Variants in RAPGEF3 observed in about 807,000 individuals in gnomAD.
RAPGEF3 encodes Rap guanine nucleotide exchange factor 3.
RAPGEF3 carries 103 observed loss-of-function variants against 129.8 expected under a neutral mutation model. The ratio of observed to expected loss-of-function variants is 0.79; its 90% CI spans 0.68 to 0.93. The LOEUF (loss-of-function observed/expected upper bound fraction) is 0.93, where lower values mean the gene tolerates loss of function less well. Ranked by LOEUF, RAPGEF3 falls within the 40% of genes least tolerant of loss-of-function variation. The pLI is 0.00. For synonymous variants in RAPGEF3, 436 were observed against 482.6 expected, an observed-to-expected ratio of 0.90 and a Z score of 1.26; for missense variants, 1,117 against 1,207.4, an observed-to-expected ratio of 0.93 and a Z score of 1.11.
In RAPGEF3 at chr12:47,749,605, C is replaced by A; in HGVS notation, c.895-69G>T. 6.4e-7 allele frequency: 1 copy of A among 1,554,804 alleles called. No homozygotes were observed. Among genetic ancestry groups the A allele is most frequent in the Non-Finnish European group, 8.7e-7 (1 of 1,150,768 alleles). ...CGCCCCCAGCTCTTGCCAGGACAGA[C>A]CCACGGCAGGAGAACAACCCACACA... On this transcript the variant is annotated intron_variant, in intron 9 of 27. Coordinates refer to ENST00000449771, the MANE Select transcript of RAPGEF3 (RefSeq NM_001098531.4). This position sits in a 1 kb window ranked among gnomAD's most constrained non-coding sequence, Gnocchi z 4.5.
rs761870576 is a variant in RAPGEF3 at position 47,738,049 on chromosome 12, C to T, written c.2626G>A (p.Asp876Asn). Residue 876 changes from aspartate to asparagine, a missense_variant, in exon 27 of 28, where the codon GAC (aspartate) becomes AAC (asparagine). By Grantham distance (23) the Asp-to-Asn change is conservative. Coordinates refer to ENST00000449771, the MANE Select transcript of RAPGEF3 (RefSeq NM_001098531.4). ...LRSRVSHLHEDSQVARISTCS... is the reference protein window; with the variant it reads ...LRSRVSHLHENSQVARISTCS... ...GTGGAAATCCTCGCCACCTGGCTGT[C>T]CTCGTGGAGGTGGGAAACTCGGCTT... 6.9e-7 allele frequency: 1 copy of T among 1,447,078 alleles called. No homozygotes were observed. The highest frequency in any genetic ancestry group is 1.1e-5 in the South Asian group (1 of 89,384). The allele number at this position is 1,447,078 out of a possible 1,614,324, so 89.6% of individuals were successfully genotyped here. A position where few individuals can be genotyped will look rare whatever the true frequency, so the allele number is the denominator to read the frequency against.
Position 47,740,674 on chromosome 12 carries a change from C to A in RAPGEF3, c.2199G>T (p.Gln733His). 1.2e-6 allele frequency: 2 copies of A among 1,613,832 alleles called. No individual in the cohort carries two copies. Among genetic ancestry groups the A allele is most frequent in the Non-Finnish European group, 1.7e-6 (2 of 1,179,962 alleles). ...CLCPVPGPRA[Q>H]LLRKFIKLAA... is the part of the protein sequence containing the mutation. ...CCAGCTTAATGAACTTCCTGAGCAG[C>A]TGGGCCCGGGGGCCGGGCACGGGGC... Residue 733 changes from glutamine to histidine, a missense_variant, in exon 21 of 28, where the codon CAG becomes CAT. Physicochemically the swap from Gln to His is conservative, Grantham distance 24. Transcript: ENST00000449771.
In RAPGEF3 at chr12:47,758,768, G is replaced by A; in HGVS notation, c.-212C>T. 1 of 1,241,942 alleles carries A rather than the reference G, an allele frequency of 8.1e-7. No homozygotes were observed. Among genetic ancestry groups the A allele is most frequent in the Non-Finnish European group, 1.0e-6 (1 of 991,406 alleles). 76.9% of individuals were successfully genotyped at this position (1,241,942 alleles called of 1,614,324 possible). A position where few individuals can be genotyped will look rare whatever the true frequency, so the allele number is the denominator to read the frequency against. On this transcript the variant is annotated 5_prime_UTR_variant, in exon 1 of 28. Coordinates refer to ENST00000449771, the MANE Select transcript of RAPGEF3 (RefSeq NM_001098531.4). Reference sequence around the variant, plus strand: ...CTCCTCTTGGGTGAGTAGAGGGGTGGGGGCGTGGTGGGGGGACGCCACCCA... The same window carrying A: ...CTCCTCTTGGGTGAGTAGAGGGGTGAGGGCGTGGTGGGGGGACGCCACCCA...
chr12:47,758,220 G>C (rs1000532101), intron 1 of RAPGEF3, 142 bp from the exon 2 acceptor site: 13 of 1,437,640 alleles, frequency 9.0e-6, no homozygotes, highest in East Asian at 5.0e-5. Flanking sequence ...CCAGGAGCTG[G>C]GGGGAGGAAC....
rs1186680000 is a variant in RAPGEF3 at position 47,734,649 on chromosome 12, T to C, written c.*2918A>G. ...AACGTAACGTGAGACAGGGTGAAGA[T>C]GAAAGAAGATGAAAACACCATTCAA... On this transcript the variant is annotated 3_prime_UTR_variant, in exon 28 of 28. Coordinates refer to ENST00000449771, the MANE Select transcript of RAPGEF3 (RefSeq NM_001098531.4). The C allele has an allele frequency of 6.6e-6, 1 of 152,228 alleles. No individual in the cohort carries two copies. The highest frequency in any genetic ancestry group is 1.9e-4 in the East Asian group (1 of 5,202). The allele number at this position is 152,228 out of a possible 1,614,324, so 9.4% of individuals were successfully genotyped here.
At position 47,737,512 on chromosome 12, in the gene RAPGEF3, C is replaced by T; in HGVS notation, c.*55G>A. 1.3e-6 allele frequency: 2 copies of T among 1,525,362 alleles called. No homozygotes were observed. The highest frequency in any genetic ancestry group is 1.8e-6 in the Non-Finnish European group (2 of 1,110,856). The allele number at this position is 1,525,362 out of a possible 1,614,324, so 94.5% of individuals were successfully genotyped here. A position where few individuals can be genotyped will look rare whatever the true frequency, so the allele number is the denominator to read the frequency against. ...AGCCTGTGAGTATCTTGGCCCGGCA[C>T]ACCCTGGCTTTCCCGGCTGCAAGTG... is the stretch of plus-strand genomic sequence containing the variant. On this transcript the variant is annotated 3_prime_UTR_variant, in exon 28 of 28. Coordinates refer to ENST00000449771, the MANE Select transcript of RAPGEF3 (RefSeq NM_001098531.4).
intron 7 of RAPGEF3, 50 bp downstream of exon 7, chr12:47,750,291 G>A (rs748495054): frequency 6.5e-7 from 1 of 1,549,238 alleles, no homozygotes; most frequent in Non-Finnish European, 8.9e-7. Context: ...GGAAGTCACA[G>A]GAAGAGAAGA....
chr12:47,743,042 A>G (rs954200099), intron 18 of RAPGEF3, among the ~76,000 whole-genome samples: 4 of 152,254 alleles, frequency 2.6e-5, no homozygotes, highest in African/African-American at 9.6e-5. Flanking sequence ...TTGTCTGAAA[A>G]TAGGATAAAA....
chr12:47,737,951 A>G, intron 27 of RAPGEF3, 71 bp downstream of exon 27: 1 of 1,521,026 alleles, frequency 6.6e-7, no homozygotes, highest in African/African-American at 1.4e-5. Context: ...GCAAGTGCCT[A>G]GGATGTGCCA....
chr12:47,746,629 G>A (rs1941432500), intron 16 of RAPGEF3: 1 of 711,850 alleles, frequency 1.4e-6, no homozygotes. Context: ...GGCCCATTGA[G>A]TCAGGGAGTG....
intron 16 of RAPGEF3, 134 bp downstream of exon 16, chr12:47,746,726 C>T (rs1310326379): frequency 1.3e-5 from 14 of 1,058,402 alleles, no homozygotes; most frequent in Non-Finnish European, 1.9e-5. Context: ...CCCGTGAACA[C>T]CTATCAGAGA....
rs4768842 is a variant in RAPGEF3 at position 47,734,985 on chromosome 12, G to A, written c.*2582C>T. ...GTGGGGAGGCGTGGCCCTCCCTGGT[G>A]TGTACCCCACAGTCAGGGCCTGAGC... On this transcript the variant is annotated 3_prime_UTR_variant, in exon 28 of 28. Coordinates refer to ENST00000449771, the MANE Select transcript of RAPGEF3 (RefSeq NM_001098531.4). 24,320 of 152,300 alleles carry A rather than the reference G, an allele frequency of 0.16. 2,453 individuals are homozygous for A. The highest frequency in any genetic ancestry group is 0.29 in the Admixed American group (4,411 of 15,296). 9.4% of individuals were successfully genotyped at this position (152,300 alleles called of 1,614,324 possible). A position where few individuals can be genotyped will look rare whatever the true frequency, so the allele number is the denominator to read the frequency against.
rs1941600377 is a variant in RAPGEF3 at position 47,749,215 on chromosome 12, TG to T, written c.1041+174del. 1 of 792,408 alleles carries T rather than the reference TG, an allele frequency of 1.3e-6. No individual in the cohort carries two copies. The highest frequency in any genetic ancestry group is 2.2e-5 in the Admixed American group (1 of 45,754). 49.1% of individuals were successfully genotyped at this position (792,408 alleles called of 1,614,324 possible). ...CTCACTGAACTCCTTCTGTGCCTTA[TG>T]GGCTTCACCTTCTCACACACACCCA... On this transcript the variant is annotated intron_variant, in intron 10 of 27. Transcript: ENST00000449771. This position sits in a 1 kb window ranked among gnomAD's most constrained non-coding sequence, Gnocchi z 4.5.
chr12:47,747,239 C>T (rs373030262), intron 15 of RAPGEF3, among the ~76,000 whole-genome samples: 68 of 152,226 alleles, frequency 4.5e-4, no homozygotes, highest in African/African-American at 1.5e-3. Flanking sequence ...GGAAATGTAC[C>T]GGGCGGGACT....
chr12:47,743,779 G>A, intron 17 of RAPGEF3, 103 bp from the exon 18 acceptor site: 1 of 1,493,850 alleles, frequency 6.7e-7, no homozygotes, highest in South Asian at 1.2e-5. Context: ...TCCCCAAGAG[G>A]CTGAGCTGCA....
intron 7 of RAPGEF3, 33 bp downstream of exon 7, chr12:47,750,308 G>T: frequency 6.3e-7 from 1 of 1,589,038 alleles, no homozygotes; most frequent in Non-Finnish European, 8.6e-7. Context: ...AAGATGCCTG[G>T]TACGGGGCAG....
intron 17 of RAPGEF3, 86 bp downstream of exon 17, chr12:47,743,901 G>A (rs941641194): frequency 1.4e-5 from 21 of 1,463,866 alleles, no homozygotes; most frequent in Admixed American, 1.8e-5. Context: ...GCACACCGAG[G>A]TCAAGAGTGA....
intron 18 of RAPGEF3, 22 bp downstream of exon 18, chr12:47,743,508 T>C: frequency 6.2e-7 from 1 of 1,601,268 alleles, no homozygotes; most frequent in Non-Finnish European, 8.5e-7. Flanking sequence ...TCCCTTGGGG[T>C]CTATCCAGGG....
Position 47,749,394 on chromosome 12 carries a change from A to G in RAPGEF3, c.1037T>C (p.Ile346Thr), listed in dbSNP as rs1286324691. ...CCCCAACCCCAGCAGCAGCACCTTG[A>G]TGATACGGTTGAAGTCCTGCTTGTC... Reference protein sequence around the residue: ...RVDKQDFNRIIKDVEAKTMRL... With the variant: ...RVDKQDFNRITKDVEAKTMRL... The change falls in exon 10 of 28, where the codon ATC becomes ACC. Residue 346 changes from isoleucine to threonine, a missense_variant. By Grantham distance (89) the Ile-to-Thr change is moderately conservative. Around this residue, in one of 3 missense-constraint regions of RAPGEF3, gnomAD observed 107 missense variants for 160.7 expected, o/e 0.67. Transcript: ENST00000449771. The surrounding 1 kb of genome is among the most constrained non-coding windows in gnomAD (Gnocchi z 4.5). The G allele has an allele frequency of 1.9e-6, 3 of 1,612,146 alleles. No homozygotes were observed. The highest frequency in any genetic ancestry group is 1.3e-5 in the African/African-American group (1 of 74,972).
Sources: gnomAD v4.1 joint callset for allele counts (sites outside exome capture counted in the v4.1 genomes callset) on GRCh38, gnomAD v4.1.1 for gene constraint, gnomAD v4.1.1 regional missense constraint, Gnocchi (gnomAD v3.1) non-coding constraint, MANE v1.5 for transcripts, NCBI Gene and HGNC (gene_info 2026-07-23, HGNC 2026-07-21) for gene names.